Variants in DLG2 observed in about 807,000 individuals in gnomAD.
DLG2 encodes disks large homolog 2.
Under a neutral mutation model 132.5 loss-of-function variants are expected in DLG2, and 45 were observed. The observed-to-expected ratio is 0.34, with a 90% CI of 0.27 to 0.44. The LOEUF (loss-of-function observed/expected upper bound fraction) is 0.44. Ranked by LOEUF, DLG2 falls within the 20% of genes least tolerant of loss-of-function variation. The pLI is 1.00. For missense variants in DLG2, 1,045 were observed against 1,196.9 expected, an observed-to-expected ratio of 0.87 and a Z score of 1.87; for synonymous variants, 424 against 419.6, an observed-to-expected ratio of 1.01 and a Z score of -0.13.
Position 85,440,896 on chromosome 11 carries a change from A to G in DLG2, c.41-155531T>C, listed in dbSNP as rs527526602. On this transcript the variant is annotated intron_variant, in intron 3 of 27. Coordinates refer to ENST00000376104, the MANE Select transcript of DLG2 (RefSeq NM_001142699.3). The stretch of plus-strand genomic sequence containing the variant: ...GTAGATAATTTGGGTCTGTAAACTC[A>G]AAATTAATAAGATCTCAAATAGACT... Among the ~76,000 whole-genome samples, 3 of 152,278 alleles carry G rather than the reference A, an allele frequency of 2.0e-5. No individual in the cohort carries two copies. The South Asian group carries it at 6.2e-4, about 32-fold the overall frequency.
At chr11:83,554,596 T>A (rs2096476768) in intron 19 of DLG2, among the ~76,000 whole-genome samples, 1 of 152,232 alleles carries the variant, frequency 6.6e-6, no homozygotes, top group Admixed American at 6.5e-5. Context: ...CAAATTTGCA[T>A]TTATTTTAAT....
At chr11:85,568,992 A>AT (rs2077692971) in intron 3 of DLG2, among the ~76,000 whole-genome samples, 1 of 151,818 alleles carries the variant, frequency 6.6e-6, no homozygotes, top group Non-Finnish European at 1.5e-5. Context: ...AAGGTGGAAG[A>AT]TTGGGTCATT....
chr11:85,488,266 A>T (rs1191227394), intron 3 of DLG2, among the ~76,000 whole-genome samples: 1 of 151,930 alleles, frequency 6.6e-6, no homozygotes, highest in Non-Finnish European at 1.5e-5. Flanking sequence ...TGAGGCACCT[A>T]TAGTCCCAGC....
intron 9 of DLG2, among the ~76,000 whole-genome samples, chr11:84,112,220 G>A (rs1345684818): frequency 1.3e-5 from 2 of 151,148 alleles, no homozygotes; most frequent in Non-Finnish European, 2.9e-5. Context: ...GGATGGTCTC[G>A]ATCTCCTTAC....
At chr11:85,264,408 G>A (rs1310181106) in intron 4 of DLG2, among the ~76,000 whole-genome samples, 1 of 152,026 alleles carries the variant, frequency 6.6e-6, no homozygotes, top group Non-Finnish European at 1.5e-5. Flanking sequence ...TTCCCCCTTA[G>A]GTTTATCTAA....
chr11:84,256,772 G>A (rs1305345708), intron 7 of DLG2, among the ~76,000 whole-genome samples: 1 of 152,136 alleles, frequency 6.6e-6, no homozygotes, highest in Non-Finnish European at 1.5e-5. Flanking sequence ...AAACAAAATG[G>A]AAGCCACTGA....
chr11:85,003,354 C>T (rs1284402068), intron 6 of DLG2, among the ~76,000 whole-genome samples: 1 of 151,882 alleles, frequency 6.6e-6, no homozygotes, highest in East Asian at 1.9e-4. Flanking sequence ...TAGTTAATAC[C>T]ACATGGAAAT....
chr11:84,174,901 A>T (rs1232427463), intron 8 of DLG2, among the ~76,000 whole-genome samples: 1 of 152,210 alleles, frequency 6.6e-6, no homozygotes, highest in Non-Finnish European at 1.5e-5. Context: ...TCTTAAGTTC[A>T]TCTAATAATT....
chr11:84,069,592 C>T (rs955201683), intron 10 of DLG2, among the ~76,000 whole-genome samples: 3 of 152,130 alleles, frequency 2.0e-5, no homozygotes, highest in Non-Finnish European at 2.9e-5. Context: ...GAGAGTAACT[C>T]GGGTTTATGA....
chr11:84,985,753 G>C (rs1197855537), intron 6 of DLG2, among the ~76,000 whole-genome samples: 1 of 152,038 alleles, frequency 6.6e-6, no homozygotes, highest in East Asian at 1.9e-4. Flanking sequence ...CAGCACTTGG[G>C]AGGCCAAGTT....
rs1240469440 is a variant in DLG2, at chr11:84,834,589, C to A, written c.357+277072G>T. On this transcript the variant is annotated intron_variant, in intron 6 of 27. Coordinates refer to ENST00000376104, the MANE Select transcript of DLG2 (RefSeq NM_001142699.3). ...ATGAATGGTGAAGTAATGGGGAAAG[C>A]ACAACTCTAAAGAAAAATAGCAATG... 2.0e-5 allele frequency among the ~76,000 whole-genome samples: 3 copies of A among 151,368 alleles called. No individual in the cohort carries two copies. In the East Asian group the frequency reaches 5.8e-4, roughly 29 times the overall value.
intron 3 of DLG2, among the ~76,000 whole-genome samples, chr11:85,486,142 C>G (rs1409984290): frequency 2.0e-5 from 3 of 151,036 alleles, no homozygotes; most frequent in African/African-American, 4.9e-5. Flanking sequence ...GCACCCTACC[C>G]TTGAGCTGGG....
chr11:83,858,094 T>C (rs1428381460), intron 16 of DLG2, among the ~76,000 whole-genome samples: 1 of 152,128 alleles, frequency 6.6e-6, no homozygotes, highest in African/African-American at 2.4e-5. Flanking sequence ...GATGAAGACA[T>C]TCGATCTAGC....
chr11:85,155,757 C>G (rs1278898826), intron 4 of DLG2, among the ~76,000 whole-genome samples: 1 of 151,628 alleles, frequency 6.6e-6, no homozygotes, highest in African/African-American at 2.4e-5. Flanking sequence ...GTAATCCCAG[C>G]TACTTGAGAG....
intron 18 of DLG2, among the ~76,000 whole-genome samples, chr11:83,702,738 C>G (rs908888529): frequency 6.6e-6 from 1 of 152,148 alleles, no homozygotes; most frequent in Non-Finnish European, 1.5e-5. Context: ...TCCTACCTAG[C>G]CTGAGCTTCA....
chr11:84,328,161 T>C (rs1257747715), intron 7 of DLG2, among the ~76,000 whole-genome samples: 1 of 152,118 alleles, frequency 6.6e-6, no homozygotes, highest in Non-Finnish European at 1.5e-5. Context: ...TGCACTGTTT[T>C]ATGAGGGAGA....
intron 6 of DLG2, among the ~76,000 whole-genome samples, chr11:85,068,376 T>C (rs1325833476): frequency 1.3e-5 from 2 of 152,240 alleles, no homozygotes; most frequent in East Asian, 1.9e-4. Context: ...TGTTTGCAGA[T>C]GACATGATTA....
chr11:83,708,477 A>G (rs148055120), intron 18 of DLG2, among the ~76,000 whole-genome samples: 1 of 152,358 alleles, frequency 6.6e-6, no homozygotes, highest in Non-Finnish European at 1.5e-5. Context: ...TATATAACCT[A>G]TGAAAGGTGT....
At chr11:83,929,400 G>A (rs1401116781) in intron 15 of DLG2, among the ~76,000 whole-genome samples, 2 of 152,092 alleles carry the variant, frequency 1.3e-5, no homozygotes. Context: ...TGGGATCTCT[G>A]TTTAGACTGA....
Sources: gnomAD v4.1 joint callset for allele counts (sites outside exome capture counted in the v4.1 genomes callset) on GRCh38, gnomAD v4.1.1 for gene constraint, MANE v1.5 for transcripts, NCBI Gene and HGNC (gene_info 2026-07-23, HGNC 2026-07-21) for gene names.